BRD2: variants seen among roughly 807,000 people sequenced by gnomAD.
BRD2 encodes the protein bromodomain containing 2.
A neutral mutation model predicts 79.1 loss-of-function variants in BRD2; 15 were observed. The ratio of observed to expected loss-of-function variants is 0.19; its 90% CI spans 0.13 to 0.29. BRD2 has a LOEUF of 0.29. Ranked by LOEUF, BRD2 falls within the 10% of genes least tolerant of loss-of-function variation. The pLI is 1.00. For synonymous variants in BRD2, 488 were observed against 358.6 expected (o/e 1.36, Z -4.08); for missense variants, 1,053 against 991.3 (o/e 1.06, Z -0.84).
chr6:32,970,740 T>C (rs1777869862), intron 1 of BRD2: 1 of 151,986 alleles, frequency 6.6e-6, no homozygotes, highest in Non-Finnish European at 1.5e-5. Context: ...TGGGCTCTGG[T>C]TGATTCACAG....
chr6:32,980,978 GGCAAGGGTGGGAGT>G lies in BRD2; in HGVS notation c.*262_*275del. 2.0e-6 allele frequency: 1 copy of G among 512,094 alleles called. No individual in the cohort carries two copies. The highest frequency in any genetic ancestry group is 3.5e-6 in the Non-Finnish European group (1 of 282,178). 31.7% of individuals were successfully genotyped at this position (512,094 alleles called of 1,614,324 possible). A position where few individuals can be genotyped will look rare whatever the true frequency, so the allele number is the denominator to read the frequency against. The stretch of plus-strand genomic sequence containing the variant: ...AGAGCCCCCATTCAAAATGGGGCAG[GGCAAGGGTGGGAGT>G]GTGCAAAGCCCTGATCTGGAGTTAC... On this transcript the variant is annotated 3_prime_UTR_variant, in exon 13 of 13. Coordinates refer to ENST00000374825, the MANE Select transcript of BRD2 (RefSeq NM_005104.4).
At chr6:32,979,558 T>C (rs2127525918) in intron 10 of BRD2, 1 of 452,140 alleles carries the variant, frequency 2.2e-6, no homozygotes, top group Non-Finnish European at 3.9e-6. Context: ...TTTTCCAACA[T>C]GTTTGTGTGT....
At chr6:32,969,658 C>T (rs1369480166) in intron 1 of BRD2, among the ~76,000 whole-genome samples, 1 of 152,176 alleles carries the variant, frequency 6.6e-6, no homozygotes, top group Non-Finnish European at 1.5e-5. Flanking sequence ...GCCTTTTGCC[C>T]CTGTAGGGTC....
At chr6:32,980,305 G>T (rs1252526369) in intron 11 of BRD2, 37 bp from the exon 12 acceptor site, 1 of 1,609,192 alleles carries the variant, frequency 6.2e-7, no homozygotes, top group East Asian at 2.2e-5. Context: ...GATGCTTGGG[G>T]CAATCTTAAT....
intron 2 of BRD2, 53 bp from the exon 3 acceptor site, chr6:32,974,409 C>A: frequency 1.3e-6 from 2 of 1,550,922 alleles, no homozygotes; most frequent in Middle Eastern, 2.1e-4. Flanking sequence ...TGTGCAGATG[C>A]ACTTTTTCCT....
intron 4 of BRD2, 69 bp from the exon 5 acceptor site, chr6:32,975,962 A>G: frequency 2.0e-6 from 3 of 1,516,292 alleles, no homozygotes; most frequent in African/African-American, 1.4e-5. Flanking sequence ...TGCCTCTGAG[A>G]AAGATGGTGT....
In BRD2 at chr6:32,976,837, C is replaced by G. The variant is rs773433329; in HGVS notation, c.1101C>G (p.Ala367=). 1.9e-6 allele frequency: 3 copies of G among 1,613,060 alleles called. No homozygotes were observed. In the South Asian group the frequency reaches 3.3e-5, roughly 18 times the overall value. Residue 367 remains alanine (A), a synonymous_variant, in exon 7 of 13, where the codon GCC becomes GCG. Coordinates refer to ENST00000374825, the MANE Select transcript of BRD2 (RefSeq NM_005104.4). ...AGTTACTCTCTAAGAAGCATGCTGC[C>G]TATGCTTGGCCTTTCTATAAACCAG... is the stretch of plus-strand genomic sequence containing the variant. ...LKELLSKKHA[A]YAWPFYKPVD...
At position 32,969,231 on chromosome 6, in the gene BRD2, TG is replaced by T. The variant is rs529038980; in HGVS notation, c.-1305+183del. 1,213 of 295,934 alleles carry T rather than the reference TG, an allele frequency of 4.1e-3. 12 individuals are homozygous for T. In the African/African-American group the frequency reaches 0.05, roughly 12 times the overall value. The allele number at this position is 295,934 out of a possible 1,614,324, so 18.3% of individuals were successfully genotyped here. ...AGGGGGGGCGAGCGGGAGAGGGCCA[TG>T]GGGGGGGAGGGGAATGGCCAGCCTC... On this transcript the variant is annotated intron_variant, in intron 1 of 12. Transcript: ENST00000374825.
In BRD2 at chr6:32,976,379, C is replaced by T. The variant is rs1778757306; in HGVS notation, c.740C>T (p.Ser247Phe). 8.7e-6 allele frequency: 14 copies of T among 1,613,056 alleles called. No homozygotes were observed. Among genetic ancestry groups the T allele is most frequent in the Non-Finnish European group, 1.2e-5 (14 of 1,180,046 alleles). Residue 247 changes from serine (S) to phenylalanine (F), a missense_variant, in exon 6 of 13, where the codon TCC (serine) becomes TTC (phenylalanine). By Grantham distance (155) the Ser-to-Phe change is radical. Transcript: ENST00000374825. ...AACATTCCCCACCCATCAGTCATTT[C>T]CTCTCCACTTCTCAAGTCCTTGCAC... ...VLNIPHPSVI[S>F]SPLLKSLHSA...
At position 32,968,844 on chromosome 6, in the gene BRD2, C is replaced by T. The variant is rs528656351; in HGVS notation, c.-1517C>T. Reference sequence around the variant, plus strand: ...GGTGGGGGGGAAGCGGGCACGTGACCCCGGTCAGCCAATCTGGGTGCTGCT... The same window carrying T: ...GGTGGGGGGGAAGCGGGCACGTGACTCCGGTCAGCCAATCTGGGTGCTGCT... On this transcript the variant is annotated 5_prime_UTR_variant, in exon 1 of 13. Coordinates refer to ENST00000374825, the MANE Select transcript of BRD2 (RefSeq NM_005104.4). The T allele has an allele frequency of 8.6e-3, 1,335 of 155,038 alleles. 17 individuals carry two copies. Among genetic ancestry groups the T allele is most frequent in the African/African-American group, 0.029 (1,204 of 41,602 alleles). The allele number at this position is 155,038 out of a possible 1,614,324, so 9.6% of individuals were successfully genotyped here.
rs553805912 is a variant in BRD2 at position 32,976,422 on chromosome 6, C to T, written c.783C>T (p.Leu261=). The T allele has an allele frequency of 6.2e-7, 1 of 1,612,222 alleles. No individual in the cohort carries two copies. Among genetic ancestry groups the T allele is most frequent in the African/African-American group, 1.3e-5 (1 of 75,038 alleles). The change falls in exon 6 of 13, where the codon CTC becomes CTT. Residue 261 remains leucine (L), a synonymous_variant. Coordinates refer to ENST00000374825, the MANE Select transcript of BRD2 (RefSeq NM_005104.4). The part of the protein sequence containing the change: ...LKSLHSAGPP[L]LAVTAAPPAQ... ...CCTTGCACTCTGCTGGACCCCCGCTCCTTGCTGTTACTGCAGCTCCTCCAG... is the reference window on the plus strand; with the variant it reads ...CCTTGCACTCTGCTGGACCCCCGCTTCTTGCTGTTACTGCAGCTCCTCCAG...
At chr6:32,975,610 C>T (rs895886185) in intron 4 of BRD2, 89 bp downstream of exon 4, 34 of 1,510,000 alleles carry the variant, frequency 2.3e-5, no homozygotes, top group East Asian at 4.5e-5. Flanking sequence ...AAGTTTAAAT[C>T]CTTTGCTACT....
chr6:32,977,699 G>A (rs1778946478), intron 8 of BRD2, 58 bp from the exon 9 acceptor site: 1 of 1,606,826 alleles, frequency 6.2e-7, no homozygotes, highest in African/African-American at 1.3e-5. Flanking sequence ...ATCACTTGGT[G>A]GCTGGGTATG....
In BRD2 at chr6:32,977,980, A is replaced by T; in HGVS notation, c.1553A>T (p.His518Leu). Residue 518 changes from histidine (H) to leucine (L), a missense_variant, in exon 9 of 13, where the codon CAT becomes CTT. Coordinates refer to ENST00000374825, the MANE Select transcript of BRD2 (RefSeq NM_005104.4). ...TCAGACTCAGAGGAAGAAAGGGCTC[A>T]TCGCTTAGCAGAACTACAGGAACAG... The part of the protein sequence containing the change: ...ESSDSEEERA[H>L]RLAELQEQLR... The T allele has an allele frequency of 6.2e-7, 1 of 1,610,872 alleles. No homozygotes were observed. Among genetic ancestry groups the T allele is most frequent in the Non-Finnish European group, 8.5e-7 (1 of 1,179,770 alleles).
chr6:32,975,068 C>A, intron 3 of BRD2: 1 of 1,518,706 alleles, frequency 6.6e-7, no homozygotes, highest in Non-Finnish European at 8.8e-7. Context: ...AAATTCTTAG[C>A]TTCTTCCTTT....
chr6:32,972,985 T>C (rs975509754), intron 2 of BRD2, 58 bp downstream of exon 2: 3 of 1,613,736 alleles, frequency 1.9e-6, no homozygotes, highest in Non-Finnish European at 2.5e-6. Flanking sequence ...GGCACAGGGG[T>C]GTGGGGCGCC....
chr6:32,973,308 G>T (rs1778285959), intron 2 of BRD2, among the ~76,000 whole-genome samples: 2 of 152,072 alleles, frequency 1.3e-5, no homozygotes, highest in African/African-American at 4.8e-5. Context: ...CTAGCGCCCT[G>T]TAGGGTTGCC....
intron 4 of BRD2, 134 bp downstream of exon 4, chr6:32,975,655 A>T: frequency 8.9e-7 from 1 of 1,127,502 alleles, no homozygotes; most frequent in Non-Finnish European, 1.3e-6. Flanking sequence ...TCGGAGTCTT[A>T]AAAACCTGAC....
rs143892329 is a variant in BRD2 at position 32,969,034 on chromosome 6, C to T, written c.-1327C>T. 5,223 of 395,464 alleles carry T rather than the reference C, an allele frequency of 0.013. 56 individuals are homozygous for T. Among genetic ancestry groups the T allele is most frequent in the Middle Eastern group, 0.031 (48 of 1,558 alleles). 24.5% of individuals were successfully genotyped at this position (395,464 alleles called of 1,614,324 possible). On this transcript the variant is annotated 5_prime_UTR_variant, in exon 1 of 13. Transcript: ENST00000374825. ...CAAGCCGAGGGCAACTTTGGAGGCC[C>T]CCTGGAAGGCTTTAGGATCCAGGTG...
Sources: gnomAD v4.1 joint callset for allele counts (sites outside exome capture counted in the v4.1 genomes callset) on GRCh38, gnomAD v4.1.1 for gene constraint, MANE v1.5 for transcripts, NCBI Gene and HGNC (gene_info 2026-07-23, HGNC 2026-07-21) for gene names.